Variants in RABGAP1L observed in about 807,000 individuals in gnomAD.
RABGAP1L encodes rab GTPase-activating protein 1-like.
RABGAP1L carries 63 observed loss-of-function variants against 137.7 expected under a neutral mutation model. The observed-to-expected ratio is 0.46, with a 90% CI of 0.37 to 0.56. The LOEUF is 0.56. Ranked by LOEUF, RABGAP1L falls within the 20% of genes least tolerant of loss-of-function variation. RABGAP1L has a pLI of 0.00. For missense variants in RABGAP1L, 1,095 were observed against 1,244.0 expected (o/e 0.88, Z 1.80); for synonymous variants, 431 against 433.7 (o/e 0.99, Z 0.08).
intron 11 of RABGAP1L, among the ~76,000 whole-genome samples, chr1:174,337,600 TA>T (rs767071756): frequency 7.2e-5 from 11 of 152,186 alleles, no homozygotes; most frequent in Non-Finnish European, 1.6e-4. Flanking sequence ...GTAAGCTTTG[TA>T]AAATGTTAAC....
At chr1:174,940,235 T>C (rs1414365511) in intron 19 of RABGAP1L, among the ~76,000 whole-genome samples, 4 of 151,966 alleles carry the variant, frequency 2.6e-5, no homozygotes, top group African/African-American at 4.8e-5. Context: ...TTTCAATTGC[T>C]ACCTTTCTCC....
intron 11 of RABGAP1L, among the ~76,000 whole-genome samples, chr1:174,350,499 C>T (rs1414887496): frequency 5.0e-5 from 7 of 138,982 alleles, no homozygotes; most frequent in South Asian, 5.2e-4. Flanking sequence ...GATGGGCTGC[C>T]GGGCAGAGAC....
At chr1:174,558,645 A>G (rs1420600972) in intron 13 of RABGAP1L, among the ~76,000 whole-genome samples, 1 of 152,222 alleles carries the variant, frequency 6.6e-6, no homozygotes, top group Non-Finnish European at 1.5e-5. Flanking sequence ...TTTTAACCAT[A>G]CTGTGTCTCT....
Position 174,233,003 on chromosome 1 carries a change from G to A in RABGAP1L, c.542+1648G>A, listed in dbSNP as rs187598600. Among the ~76,000 whole-genome samples the A allele has an allele frequency of 5.9e-5, 9 of 152,212 alleles. No individual in the cohort carries two copies. The East Asian group carries it at 1.7e-3, about 29-fold the overall frequency. On this transcript the variant is annotated intron_variant, in intron 4 of 25. Coordinates refer to ENST00000681986, the MANE Select transcript of RABGAP1L (RefSeq NM_001366446.1). ...ATAATTATTTTTCACAGTTCTCGTG[G>A]TTGGGAGTTCCTAGATCAAAGCTCC...
Position 174,448,522 on chromosome 1 carries a change from G to A in RABGAP1L, c.1710+54377G>A, listed in dbSNP as rs1655051873. 1.9e-6 allele frequency: 3 copies of A among 1,611,746 alleles called. No homozygotes were observed. Among genetic ancestry groups the A allele is most frequent in the East Asian group, 2.2e-5 (1 of 44,782 alleles). On this transcript the variant is annotated intron_variant, in intron 13 of 25. Transcript: ENST00000681986. This position sits in a 1 kb window ranked among gnomAD's most constrained non-coding sequence, Gnocchi z 4.2. Reference sequence around the variant, plus strand: ...TGGCATGTCTTGCTTGCATCAGTGTGGATCGTTATCTTGCAATAACCAAGC... The same window carrying A: ...TGGCATGTCTTGCTTGCATCAGTGTAGATCGTTATCTTGCAATAACCAAGC...
chr1:174,513,343 A>G (rs1310778059), intron 13 of RABGAP1L, among the ~76,000 whole-genome samples: 6 of 152,156 alleles, frequency 3.9e-5, no homozygotes, highest in African/African-American at 1.4e-4. Flanking sequence ...TCACGCCTGT[A>G]ATTTTAGCAC....
chr1:174,265,918 T>A (rs542189870), intron 7 of RABGAP1L, among the ~76,000 whole-genome samples: 1 of 152,312 alleles, frequency 6.6e-6, no homozygotes, highest in South Asian at 2.1e-4. Flanking sequence ...TATTTTTTTC[T>A]TGGTGATTTT....
At chr1:174,195,273 A>G (rs1667485689) in intron 1 of RABGAP1L, among the ~76,000 whole-genome samples, 1 of 152,182 alleles carries the variant, frequency 6.6e-6, no homozygotes, top group Admixed American at 6.5e-5. Context: ...GGCCCTTCCG[A>G]ATATCCATTT....
chr1:174,907,278 GT>G (rs2149181023), intron 19 of RABGAP1L, among the ~76,000 whole-genome samples: 1 of 152,148 alleles, frequency 6.6e-6, no homozygotes, highest in South Asian at 2.1e-4. Flanking sequence ...TATTTTGCCT[GT>G]TTCTGTTCTT....
At chr1:174,733,104 G>C (rs1197281253) in intron 17 of RABGAP1L, among the ~76,000 whole-genome samples, 1 of 152,152 alleles carries the variant, frequency 6.6e-6, no homozygotes, top group Non-Finnish European at 1.5e-5. Context: ...TTCAGACCTA[G>C]GAAGGCTGGC....
chr1:174,495,331 T>C (rs72715206), intron 13 of RABGAP1L, among the ~76,000 whole-genome samples: 9,328 of 152,092 alleles, frequency 0.061, 406 homozygotes, highest in Admixed American at 0.095. Context: ...ATACTTTTTT[T>C]CCCCCCAAGT....
chr1:174,693,881 A>G (rs1381268905), intron 15 of RABGAP1L, among the ~76,000 whole-genome samples: 1 of 152,218 alleles, frequency 6.6e-6, no homozygotes, highest in African/African-American at 2.4e-5. Context: ...ACATGATATA[A>G]TATCAGGGTT....
chr1:174,556,159 G>A (rs535216079), intron 13 of RABGAP1L, among the ~76,000 whole-genome samples: 4 of 151,852 alleles, frequency 2.6e-5, no homozygotes, highest in East Asian at 1.9e-4. Context: ...CACTGTGCCC[G>A]GCTAATTTTT....
chr1:174,621,611 C>G (rs1291029816), intron 13 of RABGAP1L, among the ~76,000 whole-genome samples: 3 of 152,110 alleles, frequency 2.0e-5, no homozygotes, highest in Non-Finnish European at 4.4e-5. Context: ...GAAAGGATTC[C>G]CTATTTAATA....
chr1:174,542,461 G>A (rs1305378866), intron 13 of RABGAP1L, among the ~76,000 whole-genome samples: 1 of 151,942 alleles, frequency 6.6e-6, no homozygotes, highest in Non-Finnish European at 1.5e-5. Context: ...ATTTTTTATT[G>A]CATCTATTTG....
intron 1 of RABGAP1L, among the ~76,000 whole-genome samples, chr1:174,169,874 G>C (rs928153750): frequency 6.6e-6 from 1 of 151,720 alleles, no homozygotes; most frequent in Admixed American, 6.6e-5. Context: ...TTTTAAATGG[G>C]AGTCTCCCTA....
intron 11 of RABGAP1L, among the ~76,000 whole-genome samples, chr1:174,334,583 T>C (rs1363193450): frequency 6.6e-6 from 1 of 152,214 alleles, no homozygotes; most frequent in East Asian, 1.9e-4. Flanking sequence ...CTTGTCCTTT[T>C]GCTGTTCTTC....
chr1:174,920,567 C>T lies in RABGAP1L; in HGVS notation c.2341-36890C>T, dbSNP rs556616065. Among the ~76,000 whole-genome samples the T allele has an allele frequency of 1.2e-4, 19 of 152,254 alleles. 1 individual carries two copies. The South Asian group carries it at 2.5e-3, about 20-fold the overall frequency. ...CTGTTACGAGTTGAATTGTCTTTAC[C>T]GCATCCCTAATTCATATGTTGAATA... On this transcript the variant is annotated intron_variant, in intron 19 of 25. Coordinates refer to ENST00000681986, the MANE Select transcript of RABGAP1L (RefSeq NM_001366446.1).
At chr1:174,563,671 G>A (rs1336003121) in intron 13 of RABGAP1L, among the ~76,000 whole-genome samples, 1 of 152,134 alleles carries the variant, frequency 6.6e-6, no homozygotes, top group African/African-American at 2.4e-5. Context: ...AAGTACAAAG[G>A]TGTGAATGTG....
Sources: gnomAD v4.1 joint callset for allele counts (sites outside exome capture counted in the v4.1 genomes callset) on GRCh38, gnomAD v4.1.1 for gene constraint, Gnocchi (gnomAD v3.1) non-coding constraint, MANE v1.5 for transcripts, NCBI Gene and HGNC (gene_info 2026-07-23, HGNC 2026-07-21) for gene names.